The following COX7B2 variants were observed in gnomAD, a reference collection of about 807,000 sequenced individuals.
The protein encoded by COX7B2 is cytochrome c oxidase subunit 7B2.
For synonymous variants in COX7B2, 37 were observed against 32.1 expected (o/e 1.15, Z -0.51); for missense variants, 109 against 95.9 (o/e 1.14, Z -0.57).
At chr4:46,821,574 A>C (rs562155143) in intron 2 of COX7B2, among the ~76,000 whole-genome samples, 1 of 152,330 alleles carries the variant, frequency 6.6e-6, no homozygotes, top group African/African-American at 2.4e-5. Context: ...TCTTCTGTGC[A>C]ACAAGTTCCC....
chr4:46,760,226 T>G (rs1019975371), intron 2 of COX7B2, among the ~76,000 whole-genome samples: 3 of 152,174 alleles, frequency 2.0e-5, no homozygotes. Flanking sequence ...CAAAGGATTA[T>G]AAATCATTCT....
intron 2 of COX7B2, among the ~76,000 whole-genome samples, chr4:46,753,761 T>A (rs1054152969): frequency 2.0e-5 from 3 of 151,866 alleles, no homozygotes; most frequent in African/African-American, 7.3e-5. Context: ...GAAACTACCA[T>A]CAGAGTGAAC....
chr4:46,878,622 A>C (rs1283385319), intron 1 of COX7B2, among the ~76,000 whole-genome samples: 1 of 152,148 alleles, frequency 6.6e-6, no homozygotes, highest in Non-Finnish European at 1.5e-5. Context: ...TCTTAACATA[A>C]AGAGTCCAGG....
chr4:46,735,936 C>G (rs1577639571), intron 2 of COX7B2, among the ~76,000 whole-genome samples: 1 of 152,120 alleles, frequency 6.6e-6, no homozygotes, highest in Non-Finnish European at 1.5e-5. Flanking sequence ...TACCCTGACC[C>G]TATACACCCA....
At chr4:46,842,718 A>G (rs1270513481) in intron 2 of COX7B2, among the ~76,000 whole-genome samples, 1 of 152,098 alleles carries the variant, frequency 6.6e-6, no homozygotes, top group Non-Finnish European at 1.5e-5. Flanking sequence ...ATGTCCCTAC[A>G]AAGGACACGA....
At chr4:46,736,601 G>A (rs775589457) in intron 2 of COX7B2, among the ~76,000 whole-genome samples, 1 of 152,036 alleles carries the variant, frequency 6.6e-6, no homozygotes, top group African/African-American at 2.4e-5. Flanking sequence ...GCAATGGTTC[G>A]GTTTCACCTA....
intron 2 of COX7B2, among the ~76,000 whole-genome samples, chr4:46,808,354 C>T (rs1453079799): frequency 6.6e-6 from 1 of 151,564 alleles, no homozygotes; most frequent in East Asian, 1.9e-4. Context: ...ATAAATGCTG[C>T]TGATTTTTGT....
chr4:46,739,465 T>C (rs73137175), intron 2 of COX7B2, among the ~76,000 whole-genome samples: 199 of 152,174 alleles, frequency 1.3e-3, no homozygotes, highest in African/African-American at 4.6e-3. Flanking sequence ...CAGCCTGGGA[T>C]AGATGTCATC....
intron 2 of COX7B2, among the ~76,000 whole-genome samples, chr4:46,757,433 C>A (rs1191555624): frequency 2.0e-5 from 3 of 152,038 alleles, no homozygotes; most frequent in African/African-American, 7.2e-5. Context: ...TGTAAGAAAC[C>A]TGCACTTGTA....
rs201455723 is a variant in COX7B2 at position 46,764,102 on chromosome 4, C to T, written c.-49-28861G>A. ...AAAGATTACCTTTCCAAAATGATTT[C>T]TCTTCTAGAACTGCTACTAGAAGAT... On this transcript the variant is annotated intron_variant, in intron 2 of 2. Coordinates refer to ENST00000355591, the MANE Select transcript of COX7B2 (RefSeq NM_130902.3). Among the ~76,000 whole-genome samples, 4 of 152,298 alleles carry T rather than the reference C, an allele frequency of 2.6e-5. No homozygotes were observed. The East Asian group carries it at 5.8e-4, about 22-fold the overall frequency.
chr4:46,775,856 T>C (rs932529446), intron 2 of COX7B2, among the ~76,000 whole-genome samples: 24 of 152,160 alleles, frequency 1.6e-4, no homozygotes, highest in African/African-American at 5.8e-4. Context: ...CGCTGTTATC[T>C]GAGGTGTTCA....
chr4:46,798,030 C>T (rs1284515891), intron 2 of COX7B2, among the ~76,000 whole-genome samples: 1 of 152,176 alleles, frequency 6.6e-6, no homozygotes, highest in African/African-American at 2.4e-5. Context: ...CTTTCACAAG[C>T]TTTCATGCTT....
chr4:46,763,034 T>C (rs898407631), intron 2 of COX7B2, among the ~76,000 whole-genome samples: 16 of 134,354 alleles, frequency 1.2e-4, no homozygotes, highest in African/African-American at 3.6e-4. Flanking sequence ...TATAATATAA[T>C]ATATATTATA....
intron 1 of COX7B2, among the ~76,000 whole-genome samples, chr4:46,882,504 A>G (rs537998939): frequency 6.6e-6 from 1 of 152,330 alleles, no homozygotes; most frequent in African/African-American, 2.4e-5. Flanking sequence ...TATTTAGCAT[A>G]GTTAGGTCTT....
intron 2 of COX7B2, among the ~76,000 whole-genome samples, chr4:46,786,713 C>T (rs1478185965): frequency 6.6e-6 from 1 of 152,036 alleles, no homozygotes; most frequent in Non-Finnish European, 1.5e-5. Flanking sequence ...TTATAAAAAG[C>T]CTAAAATCAC....
At chr4:46,852,581 C>G (rs1716754718) in intron 1 of COX7B2, among the ~76,000 whole-genome samples, 1 of 152,032 alleles carries the variant, frequency 6.6e-6, no homozygotes. Context: ...CACACACACA[C>G]ACACACACAG....
chr4:46,854,281 A>T (rs1021220793), intron 1 of COX7B2, among the ~76,000 whole-genome samples: 2 of 152,196 alleles, frequency 1.3e-5, no homozygotes, highest in Non-Finnish European at 1.5e-5. Flanking sequence ...TAGAATAAGT[A>T]TTCCTCTTTA....
intron 2 of COX7B2, among the ~76,000 whole-genome samples, chr4:46,811,167 T>C (rs2109661734): frequency 6.6e-6 from 1 of 152,290 alleles, no homozygotes; most frequent in East Asian, 1.9e-4. Flanking sequence ...ATCTCTGAGC[T>C]TCATGGATCT....
chr4:46,754,070 C>T (rs955836160), intron 2 of COX7B2, among the ~76,000 whole-genome samples: 3 of 152,070 alleles, frequency 2.0e-5, no homozygotes, highest in Admixed American at 1.3e-4. Context: ...ACAACAGGTG[C>T]TGGAGAGGAT....
Sources: gnomAD v4.1 joint callset for allele counts (sites outside exome capture counted in the v4.1 genomes callset) on GRCh38, gnomAD v4.1.1 for gene constraint, MANE v1.5 for transcripts, NCBI Gene and HGNC (gene_info 2026-07-23, HGNC 2026-07-21) for gene names.